Variants in ACO2 observed in about 807,000 individuals in gnomAD.
ACO2 encodes aconitase 2, also known as aconitate hydratase, mitochondrial.
A neutral mutation model predicts 84.5 loss-of-function variants in ACO2; 31 were observed. The observed-to-expected ratio is 0.37, with a 90% CI of 0.28 to 0.50. The LOEUF is 0.50. Among genes scored for constraint, ACO2 ranks in the 20% least tolerant of loss-of-function variants. The probability of loss-of-function intolerance (pLI) is 0.97; values close to 1 mark genes in which losing one functional copy is unlikely to be tolerated. For synonymous variants in ACO2, 414 were observed against 412.7 expected, an observed-to-expected ratio of 1.00 and a Z score of -0.04; for missense variants, 685 against 1,029.3, an observed-to-expected ratio of 0.67 and a Z score of 4.58.
chr22:41,487,210 G>A (rs766176623), intron 1 of ACO2, among the ~76,000 whole-genome samples: 1 of 152,162 alleles, frequency 6.6e-6, no homozygotes, highest in East Asian at 1.9e-4. Flanking sequence ...AGTTGCAAGT[G>A]CTTTCTTGCA....
rs753933056 is a variant in ACO2, at chr22:41,522,970, A to G, written c.1279A>G (p.Ile427Val). The change falls in exon 10 of 18, where the codon ATT becomes GTT. Residue 427 changes from isoleucine to valine, a missense_variant. By Grantham distance (29) the Ile-to-Val change is conservative (BLOSUM62 3). Coordinates refer to ENST00000216254, the MANE Select transcript of ACO2 (RefSeq NM_001098.3). ...AGGTTCCGAGCAGATCCGCGCCACC[A>G]TTGAGCGGGACGGCTATGTGAGTGC... is the stretch of plus-strand genomic sequence containing the variant. ...TPGSEQIRAT[I>V]ERDGYAQILR... The G allele has an allele frequency of 3.8e-5, 61 of 1,614,080 alleles. No homozygotes were observed. In the Middle Eastern group the frequency reaches 8.2e-4, roughly 22 times the overall value.
rs111639020 is a variant in ACO2, at chr22:41,494,195, C to T, written c.37-5531C>T. Among the ~76,000 whole-genome samples the T allele has an allele frequency of 2.3e-3, 345 of 152,244 alleles. 1 individual carries two copies. Among genetic ancestry groups the T allele is most frequent in the Middle Eastern group, 6.8e-3 (2 of 294 alleles). On this transcript the variant is annotated intron_variant, in intron 1 of 17. Coordinates refer to ENST00000216254, the MANE Select transcript of ACO2 (RefSeq NM_001098.3). The stretch of plus-strand genomic sequence containing the variant: ...CTGTGAAGTGTATCTCCATTAAGCA[C>T]GGAGGTTTAAGGAGTTAAATGACTT...
chr22:41,520,731 A>G (rs1569019979), intron 9 of ACO2, among the ~76,000 whole-genome samples: 1 of 151,938 alleles, frequency 6.6e-6, no homozygotes, highest in Admixed American at 6.6e-5. Flanking sequence ...AGCCCCAGCT[A>G]CTTGGGAGGC....
At chr22:41,491,918 T>G (rs2413645) in intron 1 of ACO2, among the ~76,000 whole-genome samples, 9,380 of 152,228 alleles carry the variant, frequency 0.062, 921 homozygotes, top group African/African-American at 0.21. Context: ...ACCACACTGT[T>G]CTGGGAAAGG....
Position 41,515,508 on chromosome 22 carries a change from G to A in ACO2, c.657G>A (p.Gly219=), listed in dbSNP as rs1340650382. ...CCGATGCTGTGGATGTCATGGCTGG[G>A]ATCCCCTGGGAGCTGAAGTGCCCCA... The part of the protein sequence containing the change: ...GGADAVDVMA[G]IPWELKCPKV... The change falls in exon 5 of 18, where the codon GGG becomes GGA. Residue 219 remains glycine, a synonymous_variant. Transcript: ENST00000216254. This position sits in a 1 kb window ranked among gnomAD's most constrained non-coding sequence, Gnocchi z 5.8. 1 of 1,613,062 alleles carries A rather than the reference G, an allele frequency of 6.2e-7. No homozygotes were observed. Among genetic ancestry groups the A allele is most frequent in the Non-Finnish European group, 8.5e-7 (1 of 1,179,556 alleles).
chr22:41,497,897 A>T (rs774762491), intron 1 of ACO2, among the ~76,000 whole-genome samples: 2 of 149,650 alleles, frequency 1.3e-5, no homozygotes, highest in African/African-American at 2.5e-5. Flanking sequence ...AAAATAAAAA[A>T]AATATTGGGA....
At chr22:41,519,045 G>T (rs1160903489) in intron 8 of ACO2, among the ~76,000 whole-genome samples, 1 of 152,166 alleles carries the variant, frequency 6.6e-6, no homozygotes, top group African/African-American at 2.4e-5. Flanking sequence ...TGGGTGGGGA[G>T]GGGGGAGACA....
At chr22:41,527,262 T>C (rs751880916) in intron 15 of ACO2, 26 bp from the exon 16 acceptor site, 17 of 1,613,900 alleles carry the variant, frequency 1.1e-5, no homozygotes, top group Admixed American at 1.7e-5. Flanking sequence ...CTCTGCCTTA[T>C]AACCTTACCC....
At chr22:41,528,151 G>T in intron 17 of ACO2, 129 bp downstream of exon 17, 1 of 1,422,432 alleles carries the variant, frequency 7.0e-7, no homozygotes. Context: ...CAGTTCTCCA[G>T]GTGGCCCCAC....
chr22:41,523,848 G>C lies in ACO2; in HGVS notation c.1389G>C (p.Gly463=), dbSNP rs745324939. The change falls in exon 12 of 18, where the codon GGG becomes GGC. Residue 463 remains glycine, a synonymous_variant. Coordinates refer to ENST00000216254, the MANE Select transcript of ACO2 (RefSeq NM_001098.3). ...GQWDRKDIKK[G]EKNTIVTSYN... is the part of the protein sequence containing the mutation. ...CTGGCAGGAAGGACATCAAGAAGGG[G>C]GAGAAGAACACAATCGTCACCTCCT... is the stretch of plus-strand genomic sequence containing the variant. 1 of 1,612,198 alleles carries C rather than the reference G, an allele frequency of 6.2e-7. No homozygotes were observed. The highest frequency in any genetic ancestry group is 1.1e-5 in the South Asian group (1 of 90,992).
chr22:41,519,484 C>T (rs994900673), intron 8 of ACO2, among the ~76,000 whole-genome samples: 1 of 152,120 alleles, frequency 6.6e-6, no homozygotes, highest in Non-Finnish European at 1.5e-5. Context: ...ATATGTAAAG[C>T]GTCTGGCCTT....
intron 1 of ACO2, among the ~76,000 whole-genome samples, chr22:41,474,895 G>A (rs1427712671): frequency 2.0e-5 from 3 of 152,012 alleles, no homozygotes; most frequent in Admixed American, 1.3e-4. Context: ...CACTGCACCC[G>A]GCCTGCACAG....
At position 41,525,377 on chromosome 22, in the gene ACO2, C is replaced by T. The variant is rs529869429; in HGVS notation, c.1761+29C>T. The T allele has an allele frequency of 5.0e-6, 8 of 1,609,944 alleles. No individual in the cohort carries two copies. The African/African-American group carries it at 6.7e-5, about 13-fold the overall frequency. ...AGCAGCATGGGGACGGCAGGACAGC[C>T]CCACCCTGCCAGGGCCCCCCGTCCC... On this transcript the variant is annotated intron_variant, in intron 14 of 17. Coordinates refer to ENST00000216254, the MANE Select transcript of ACO2 (RefSeq NM_001098.3).
At chr22:41,473,209 T>A (rs1432674146) in intron 1 of ACO2, among the ~76,000 whole-genome samples, 2 of 152,142 alleles carry the variant, frequency 1.3e-5, no homozygotes, top group African/African-American at 4.8e-5. Flanking sequence ...TTCACAGTGT[T>A]CTTTGAAAGC....
intron 13 of ACO2, 88 bp from the exon 14 acceptor site, chr22:41,525,105 T>A: frequency 6.3e-7 from 1 of 1,592,802 alleles, no homozygotes. Context: ...GGAGGGGAGG[T>A]GGGGCCCGAG....
intron 1 of ACO2, among the ~76,000 whole-genome samples, chr22:41,492,409 G>GT: frequency 6.6e-6 from 1 of 152,180 alleles, no homozygotes; most frequent in Non-Finnish European, 1.5e-5. Flanking sequence ...GGCCGAGGCA[G>GT]GCGGATCACC....
intron 4 of ACO2, among the ~76,000 whole-genome samples, chr22:41,514,457 CTG>C (rs914281209): frequency 3.3e-5 from 5 of 152,332 alleles, no homozygotes; most frequent in South Asian, 2.1e-4. Context: ...GATAGGGAAA[CTG>C]AGCTCCGAGA....
chr22:41,518,405 T>C, intron 7 of ACO2, 76 bp from the exon 8 acceptor site: 2 of 1,145,402 alleles, frequency 1.7e-6, no homozygotes, highest in Non-Finnish European at 1.3e-6. Flanking sequence ...TGGCAGGTGC[T>C]CAGGTGGGTG....
chr22:41,488,092 C>T (rs1210720679), intron 1 of ACO2, among the ~76,000 whole-genome samples: 1 of 152,194 alleles, frequency 6.6e-6, no homozygotes, highest in South Asian at 2.1e-4. Context: ...CTCACTGAAT[C>T]TTGCACCTAA....
Sources: gnomAD v4.1 joint callset for allele counts (sites outside exome capture counted in the v4.1 genomes callset) on GRCh38, gnomAD v4.1.1 for gene constraint, Gnocchi (gnomAD v3.1) non-coding constraint, MANE v1.5 for transcripts, NCBI Gene and HGNC (gene_info 2026-07-23, HGNC 2026-07-21) for gene names.